ERC2: variants seen among roughly 807,000 people sequenced by gnomAD.
ERC2 encodes ERC protein 2.
Under a neutral mutation model 114.8 loss-of-function variants are expected in ERC2, and 42 were observed. That is an observed-to-expected ratio of 0.37 (90% CI 0.29 to 0.47). The LOEUF (loss-of-function observed/expected upper bound fraction) is 0.47, where lower values mean the gene tolerates loss of function less well. Ranked by LOEUF, ERC2 falls within the 20% of genes least tolerant of loss-of-function variation. The pLI, the probability that ERC2 is intolerant of heterozygous loss-of-function variation, is 0.99. For synonymous variants in ERC2, 454 were observed against 425.5 expected (o/e 1.07, Z -0.82); for missense variants, 939 against 1,150.7 (o/e 0.82, Z 2.66).
At chr3:55,849,970 G>C (rs964193832) in intron 14 of ERC2, among the ~76,000 whole-genome samples, 1 of 152,208 alleles carries the variant, frequency 6.6e-6, no homozygotes, top group Non-Finnish European at 1.5e-5. Flanking sequence ...CTGGAGGCCA[G>C]AAGTCCAAAA....
chr3:56,399,129 G>A (rs1383298143), intron 2 of ERC2, among the ~76,000 whole-genome samples: 1 of 152,194 alleles, frequency 6.6e-6, no homozygotes, highest in Non-Finnish European at 1.5e-5. Context: ...CAAACATCAT[G>A]CTATTCATGC....
intron 17 of ERC2, among the ~76,000 whole-genome samples, chr3:55,568,523 TC>T (rs910168188): frequency 3.2e-4 from 48 of 152,342 alleles, no homozygotes; most frequent in African/African-American, 1.1e-3. Context: ...GGCTCCTCTT[TC>T]CTTCATGTTC....
At chr3:56,250,047 G>A (rs140670032) in intron 3 of ERC2, among the ~76,000 whole-genome samples, 145 of 151,938 alleles carry the variant, frequency 9.5e-4, no homozygotes, top group African/African-American at 2.8e-3. Context: ...TAGTAGAGAC[G>A]GGGTTTCGCC....
chr3:55,711,890 T>A (rs1029197400), intron 15 of ERC2, among the ~76,000 whole-genome samples: 1 of 152,226 alleles, frequency 6.6e-6, no homozygotes, highest in Admixed American at 6.5e-5. Flanking sequence ...AAATAGAATA[T>A]ACACATTTTA....
rs75439538 is a variant in ERC2, at chr3:55,773,652, C to T, written c.2565-38734G>A. Among the ~76,000 whole-genome samples the T allele has an allele frequency of 2.3e-3, 354 of 152,308 alleles. 10 individuals carry two copies. In the East Asian group the frequency reaches 0.054, roughly 23 times the overall value. On this transcript the variant is annotated intron_variant, in intron 14 of 17. Transcript: ENST00000288221. ...GTTCCCACCATCCGGAATGGTGCTGCGCACAAAGTAGGCCCCCAGTCAATG... is the reference window on the plus strand; with the variant it reads ...GTTCCCACCATCCGGAATGGTGCTGTGCACAAAGTAGGCCCCCAGTCAATG...
In ERC2 at chr3:56,272,527, T is replaced by C. The variant is rs1034176778; in HGVS notation, c.1074+23492A>G. On this transcript the variant is annotated intron_variant, in intron 3 of 17. Transcript: ENST00000288221. Reference sequence around the variant, plus strand: ...GCTCATGCCTGTTATCCCAGCACTTTGGGAGGCCAAGGCAGGCAGATCACC... The same window carrying C: ...GCTCATGCCTGTTATCCCAGCACTTCGGGAGGCCAAGGCAGGCAGATCACC... Among the ~76,000 whole-genome samples, 34 of 152,332 alleles carry C rather than the reference T, an allele frequency of 2.2e-4. No individual in the cohort carries two copies. The Middle Eastern group carries it at 0.01, about 46-fold the overall frequency.
chr3:56,041,247 A>T (rs1241864880), intron 7 of ERC2, among the ~76,000 whole-genome samples: 2 of 151,976 alleles, frequency 1.3e-5, no homozygotes, highest in Non-Finnish European at 2.9e-5. Context: ...ACCTAATAGG[A>T]AGTCATCTGT....
chr3:55,950,972 C>T (rs534434224), intron 12 of ERC2, among the ~76,000 whole-genome samples: 1 of 152,264 alleles, frequency 6.6e-6, no homozygotes, highest in South Asian at 2.1e-4. Context: ...GAAAGCCTCC[C>T]TAGCAAAGTG....
At chr3:56,225,229 C>T (rs2050173670) in intron 3 of ERC2, among the ~76,000 whole-genome samples, 2 of 151,950 alleles carry the variant, frequency 1.3e-5, no homozygotes, top group Non-Finnish European at 1.5e-5. Flanking sequence ...CAGCACACTA[C>T]TAAGGGGGAA....
At chr3:55,989,947 C>A (rs527675534) in intron 11 of ERC2, among the ~76,000 whole-genome samples, 1 of 152,126 alleles carries the variant, frequency 6.6e-6, no homozygotes, top group African/African-American at 2.4e-5. Context: ...AATCAGGAAA[C>A]CCATATTACA....
chr3:55,581,924 A>G (rs2057282000), intron 17 of ERC2, among the ~76,000 whole-genome samples: 1 of 152,062 alleles, frequency 6.6e-6, no homozygotes, highest in African/African-American at 2.4e-5. Context: ...ATTTGTAATC[A>G]ATACCCAAGA....
intron 13 of ERC2, among the ~76,000 whole-genome samples, chr3:55,900,797 A>G (rs34885389): frequency 0.23 from 34,468 of 152,168 alleles, 4,635 homozygotes; most frequent in Admixed American, 0.39. Context: ...GGAGGTTGGA[A>G]GGGAGAAAAG....
chr3:55,986,570 T>C (rs2070652444), intron 11 of ERC2, among the ~76,000 whole-genome samples: 1 of 152,112 alleles, frequency 6.6e-6, no homozygotes, highest in Admixed American at 6.5e-5. Flanking sequence ...ATAGCAATGA[T>C]CAAAGACCCC....
chr3:55,761,011 C>T (rs1028752341), intron 14 of ERC2, among the ~76,000 whole-genome samples: 1 of 152,182 alleles, frequency 6.6e-6, no homozygotes, highest in African/African-American at 2.4e-5. Flanking sequence ...ACAGAGATGT[C>T]CTCTTAAGCA....
intron 2 of ERC2, among the ~76,000 whole-genome samples, chr3:56,352,272 G>A (rs2058583328): frequency 6.6e-6 from 1 of 152,200 alleles, no homozygotes; most frequent in African/African-American, 2.4e-5. Context: ...AAACTAAGGT[G>A]GGGATGGGGG....
At chr3:55,921,279 T>C (rs1247142475) in intron 13 of ERC2, among the ~76,000 whole-genome samples, 3 of 152,248 alleles carry the variant, frequency 2.0e-5, no homozygotes, top group South Asian at 2.1e-4. Context: ...AAAATAGTTA[T>C]GACCCTTTAA....
At chr3:56,107,650 T>C (rs185886228) in intron 6 of ERC2, among the ~76,000 whole-genome samples, 12 of 152,282 alleles carry the variant, frequency 7.9e-5, no homozygotes, top group Admixed American at 2.0e-4. Flanking sequence ...CTTCTGATTT[T>C]TTCATTACAC....
At chr3:56,341,622 T>C (rs987990498) in intron 2 of ERC2, among the ~76,000 whole-genome samples, 19 of 151,666 alleles carry the variant, frequency 1.3e-4, no homozygotes, top group African/African-American at 4.4e-4. Flanking sequence ...GAACCAGATA[T>C]ATCAGTCCAT....
At chr3:55,957,760 C>T (rs557248100) in intron 12 of ERC2, among the ~76,000 whole-genome samples, 42 of 152,122 alleles carry the variant, frequency 2.8e-4, no homozygotes, top group African/African-American at 8.7e-4. Context: ...GCGCCTGCTC[C>T]GTGTGAGGCT....
Sources: gnomAD v4.1 joint callset for allele counts (sites outside exome capture counted in the v4.1 genomes callset) on GRCh38, gnomAD v4.1.1 for gene constraint, MANE v1.5 for transcripts, NCBI Gene and HGNC (gene_info 2026-07-23, HGNC 2026-07-21) for gene names.